Variants in MYRIP observed in about 807,000 individuals in gnomAD.
MYRIP encodes rab effector MyRIP.
A neutral mutation model predicts 98.0 loss-of-function variants in MYRIP; 49 were observed. That is an observed-to-expected ratio of 0.50 (90% CI 0.40 to 0.63). The LOEUF (loss-of-function observed/expected upper bound fraction) is 0.63, where lower values mean the gene tolerates loss of function less well. Ranked by LOEUF, MYRIP falls within the 30% of genes least tolerant of loss-of-function variation. MYRIP has a pLI of 0.00. For missense variants in MYRIP, 1,004 were observed against 1,058.2 expected (o/e 0.95, Z 0.71); for synonymous variants, 404 against 409.5 (o/e 0.99, Z 0.16).
intron 3 of MYRIP, among the ~76,000 whole-genome samples, chr3:40,066,622 T>C (rs1238421767): frequency 6.6e-6 from 1 of 152,216 alleles, no homozygotes; most frequent in African/African-American, 2.4e-5. Flanking sequence ...TCATATATCC[T>C]GGTTGAATTT....
intron 3 of MYRIP, among the ~76,000 whole-genome samples, chr3:40,077,911 CCT>C (rs1255323802): frequency 3.2e-5 from 4 of 123,846 alleles, no homozygotes; most frequent in African/African-American, 1.3e-4. Flanking sequence ...AGTCCCGCGC[CCT>C]GCGCCCTGCG....
intron 6 of MYRIP, 45 bp from the exon 7 acceptor site, chr3:40,167,114 C>T (rs914011784): frequency 1.5e-5 from 24 of 1,595,278 alleles, no homozygotes; most frequent in Non-Finnish European, 2.1e-5. Flanking sequence ...TGCCAAGTCA[C>T]CCCAAATCCA....
At chr3:40,176,547 C>T (rs993684472) in intron 8 of MYRIP, among the ~76,000 whole-genome samples, 2 of 151,980 alleles carry the variant, frequency 1.3e-5, no homozygotes, top group African/African-American at 2.4e-5. Flanking sequence ...GCTAGAAATT[C>T]GAGACCAGCC....
chr3:39,905,381 C>G (rs1167992552), intron 2 of MYRIP, among the ~76,000 whole-genome samples: 1 of 152,150 alleles, frequency 6.6e-6, no homozygotes, highest in South Asian at 2.1e-4. Context: ...GTTTTCTGCT[C>G]TGAAATTGGG....
rs1408030432 is a variant in MYRIP at position 40,258,239 on chromosome 3, C to T, written c.*73C>T. The T allele has an allele frequency of 9.0e-6, 14 of 1,558,698 alleles. No individual in the cohort carries two copies. The highest frequency in any genetic ancestry group is 2.2e-5 in the East Asian group (1 of 44,552). On this transcript the variant is annotated 3_prime_UTR_variant, in exon 17 of 17. Transcript: ENST00000302541. ...GACAGTGCCTTGACCCAACAGCCAT[C>T]GAGTACTGTATGTATTTCCACCTGA...
intron 1 of MYRIP, among the ~76,000 whole-genome samples, chr3:39,875,578 C>T (rs544681284): frequency 6.6e-6 from 1 of 151,254 alleles, no homozygotes; most frequent in African/African-American, 2.5e-5. Context: ...ATCTTTATTT[C>T]TGCCTTCATT....
At chr3:40,205,442 A>G (rs1453300749) in intron 10 of MYRIP, among the ~76,000 whole-genome samples, 2 of 152,150 alleles carry the variant, frequency 1.3e-5, no homozygotes, top group African/African-American at 4.8e-5. Context: ...TTTAATGGGA[A>G]ATGAAAAGCA....
Position 40,066,519 on chromosome 3 carries a change from T to A in MYRIP, c.332+22248T>A, listed in dbSNP as rs151115820. Among the ~76,000 whole-genome samples, 32 of 152,348 alleles carry A rather than the reference T, an allele frequency of 2.1e-4. 1 individual carries two copies. The highest frequency in any genetic ancestry group is 7.7e-4 in the African/African-American group (32 of 41,584). On this transcript the variant is annotated intron_variant, in intron 3 of 16. Coordinates refer to ENST00000302541, the MANE Select transcript of MYRIP (RefSeq NM_015460.4). ...CTGGTTTCAACACTTTAATAACAAT[T>A]TTAGTCTATGACTTAAAACTCCTGA...
intron 2 of MYRIP, among the ~76,000 whole-genome samples, chr3:39,993,267 C>T (rs570844376): frequency 7.9e-5 from 12 of 152,334 alleles, no homozygotes; most frequent in African/African-American, 1.9e-4. Flanking sequence ...AATCTATCCT[C>T]GTGGCCTAAT....
intron 4 of MYRIP, among the ~76,000 whole-genome samples, chr3:40,160,914 GT>G (rs1260748562): frequency 6.6e-6 from 1 of 152,160 alleles, no homozygotes; most frequent in Non-Finnish European, 1.5e-5. Context: ...GCACTCCCTA[GT>G]GAGATGAACC....
chr3:40,137,576 A>C (rs912153873), intron 3 of MYRIP, among the ~76,000 whole-genome samples: 1 of 152,198 alleles, frequency 6.6e-6, no homozygotes, highest in Non-Finnish European at 1.5e-5. Flanking sequence ...GCACAGACAC[A>C]AGCAAAAAAC....
intron 1 of MYRIP, among the ~76,000 whole-genome samples, chr3:39,877,271 T>C (rs996185610): frequency 3.3e-5 from 5 of 152,162 alleles, no homozygotes; most frequent in Non-Finnish European, 5.9e-5. Context: ...TTTCAACTTG[T>C]TTGCCTTTGG....
At chr3:39,986,088 GT>G (rs1352679468) in intron 2 of MYRIP, among the ~76,000 whole-genome samples, 1 of 152,244 alleles carries the variant, frequency 6.6e-6, no homozygotes, top group East Asian at 1.9e-4. Flanking sequence ...TTAAACAGAA[GT>G]TTCTCAGTGT....
chr3:40,203,665 A>T (rs1328567889), intron 10 of MYRIP, among the ~76,000 whole-genome samples: 3 of 126,046 alleles, frequency 2.4e-5, no homozygotes, highest in Admixed American at 9.1e-5. Context: ...ATATATATTT[A>T]TATATTTTTA....
chr3:40,213,450 C>G (rs1446889820), intron 11 of MYRIP, among the ~76,000 whole-genome samples: 1 of 152,162 alleles, frequency 6.6e-6, no homozygotes, highest in Non-Finnish European at 1.5e-5. Flanking sequence ...CCCATCAACA[C>G]TTGCAGTGTC....
chr3:40,042,301 A>G (rs1020759323), intron 2 of MYRIP, among the ~76,000 whole-genome samples: 6 of 151,416 alleles, frequency 4.0e-5, no homozygotes, highest in African/African-American at 7.3e-5. Flanking sequence ...AAAAAAAAAA[A>G]AAAAAAAAGA....
chr3:40,050,199 A>G (rs1448996829), intron 3 of MYRIP, among the ~76,000 whole-genome samples: 1 of 152,162 alleles, frequency 6.6e-6, no homozygotes, highest in Non-Finnish European at 1.5e-5. Context: ...AGAAGAGGCC[A>G]TCTACAACTT....
At chr3:40,006,935 C>T (rs1425136103) in intron 2 of MYRIP, among the ~76,000 whole-genome samples, 2 of 152,042 alleles carry the variant, frequency 1.3e-5, no homozygotes, top group Non-Finnish European at 2.9e-5. Context: ...ATCATGGGAC[C>T]ATAGTCTTGA....
chr3:39,863,268 C>T (rs565426530), intron 1 of MYRIP, among the ~76,000 whole-genome samples: 1 of 151,968 alleles, frequency 6.6e-6, no homozygotes, highest in Non-Finnish European at 1.5e-5. Flanking sequence ...AGAAAACCAA[C>T]TCCAAAGCTA....
Sources: gnomAD v4.1 joint callset for allele counts (sites outside exome capture counted in the v4.1 genomes callset) on GRCh38, gnomAD v4.1.1 for gene constraint, MANE v1.5 for transcripts, NCBI Gene and HGNC (gene_info 2026-07-23, HGNC 2026-07-21) for gene names.